The following OSMR variants were observed in gnomAD, a reference collection of about 807,000 sequenced individuals.
OSMR encodes oncostatin-M-specific receptor subunit beta.
OSMR carries 81 observed loss-of-function variants against 99.9 expected under a neutral mutation model. The observed-to-expected ratio is 0.81, with a 90% CI of 0.68 to 0.97. The LOEUF is 0.97. Among genes scored for constraint, OSMR ranks in the 50% least tolerant of loss-of-function variants. The probability of loss-of-function intolerance (pLI) is 0.00; values close to 1 mark genes in which losing one functional copy is unlikely to be tolerated. For missense variants in OSMR, 1,099 were observed against 1,153.4 expected (o/e 0.95, Z 0.68); for synonymous variants, 406 against 410.4 (o/e 0.99, Z 0.13).
chr5:38,904,214 T>TC (rs1344521629), intron 8 of OSMR, 139 bp from the exon 9 acceptor site: 3 of 1,526,192 alleles, frequency 2.0e-6, no homozygotes, highest in Non-Finnish European at 2.6e-6. Context: ...AAGATTTTTT[T>TC]CCCCCCAAAG....
intron 2 of OSMR, among the ~76,000 whole-genome samples, chr5:38,875,118 T>C (rs937197796): frequency 3.0e-4 from 45 of 152,246 alleles, no homozygotes; most frequent in African/African-American, 9.9e-4. Flanking sequence ...GAAAACTGAA[T>C]GCTTAAAAGA....
At chr5:38,900,446 G>A (rs1257003740) in intron 7 of OSMR, among the ~76,000 whole-genome samples, 1 of 152,048 alleles carries the variant, frequency 6.6e-6, no homozygotes, top group Non-Finnish European at 1.5e-5. Context: ...TTGTTAATCT[G>A]GTGATCCTGC....
At chr5:38,924,398 T>C in intron 13 of OSMR, 24 bp from the exon 14 acceptor site, 1 of 1,614,004 alleles carries the variant, frequency 6.2e-7, no homozygotes, top group South Asian at 1.1e-5. Flanking sequence ...ATGACTTTTC[T>C]CTTATCCCAA....
At chr5:38,865,679 C>A (rs541399818) in intron 1 of OSMR, among the ~76,000 whole-genome samples, 1 of 152,324 alleles carries the variant, frequency 6.6e-6, no homozygotes, top group African/African-American at 2.4e-5. Context: ...CACATGCCCA[C>A]CTGATGTACA....
At chr5:38,884,748 G>A (rs1393110) in intron 5 of OSMR, among the ~76,000 whole-genome samples, 20,516 of 152,036 alleles carry the variant, frequency 0.13, 1,954 homozygotes, top group African/African-American at 0.26. Context: ...TTTTATATAG[G>A]TTTGTGTGTG....
intron 1 of OSMR, among the ~76,000 whole-genome samples, chr5:38,859,953 C>T (rs552218180): frequency 6.6e-6 from 1 of 152,252 alleles, no homozygotes; most frequent in East Asian, 1.9e-4. Flanking sequence ...TTACTGAATT[C>T]ATTTATCAGT....
At chr5:38,881,807 T>G in intron 4 of OSMR, 43 bp downstream of exon 4, 3 of 1,512,692 alleles carry the variant, frequency 2.0e-6, no homozygotes, top group Non-Finnish European at 2.8e-6. Flanking sequence ...GGTTAATATA[T>G]TTTTTAATGA....
chr5:38,893,806 A>G (rs1247126749), intron 7 of OSMR, among the ~76,000 whole-genome samples: 2 of 152,206 alleles, frequency 1.3e-5, no homozygotes, highest in Non-Finnish European at 2.9e-5. Flanking sequence ...GTAGACACCC[A>G]GATACAAGAA....
intron 1 of OSMR, among the ~76,000 whole-genome samples, chr5:38,943,512 T>TA (rs906456664): frequency 3.3e-5 from 5 of 151,366 alleles, no homozygotes; most frequent in African/African-American, 4.9e-5. Flanking sequence ...ATATCACCCT[T>TA]AAAAAAAAGC....
At chr5:38,862,757 G>A (rs1332136348) in intron 1 of OSMR, among the ~76,000 whole-genome samples, 3 of 151,186 alleles carry the variant, frequency 2.0e-5, no homozygotes, top group African/African-American at 4.9e-5. Flanking sequence ...CTTCCCAGAC[G>A]GGGTGGCGGC....
Position 38,856,068 on chromosome 5 carries a change from C to T in OSMR, c.-14+9681C>T, listed in dbSNP as rs62354704. Among the ~76,000 whole-genome samples, 1,064 of 152,206 alleles carry T rather than the reference C, an allele frequency of 7.0e-3. 4 individuals carry two copies. Among genetic ancestry groups the T allele is most frequent in the Middle Eastern group, 0.054 (16 of 294 alleles). ...TTTTCTCCCTCACCTCTGGGCTTTTCGTTGTGTTAGTCAGGGTCCCATCCA... is the reference window on the plus strand; with the variant it reads ...TTTTCTCCCTCACCTCTGGGCTTTTTGTTGTGTTAGTCAGGGTCCCATCCA... On this transcript the variant is annotated intron_variant, in intron 1 of 17. Coordinates refer to ENST00000274276, the MANE Select transcript of OSMR (RefSeq NM_003999.3).
intron 9 of OSMR, among the ~76,000 whole-genome samples, chr5:38,906,788 T>C (rs946968337): frequency 1.3e-5 from 2 of 152,188 alleles, no homozygotes; most frequent in Non-Finnish European, 2.9e-5. Flanking sequence ...AGAGATACAT[T>C]TTAATGTTAT....
At chr5:38,938,434 G>A (rs530869922), downstream of OSMR, 77 of 231,346 alleles carry the variant, frequency 3.3e-4, no homozygotes, top group South Asian at 9.1e-4. Flanking sequence ...TTTGCATTTT[G>A]TGCTAAATCA....
rs191931719 is a variant in OSMR, at chr5:38,944,395, G to T, written c.*86+76G>T. 4 of 1,554,498 alleles carry T rather than the reference G, an allele frequency of 2.6e-6. No homozygotes were observed. The South Asian group carries it at 3.5e-5, about 14-fold the overall frequency. ...TGAAGTATTTCAAGTATCTTTTCTCGACTTAAAAAACAGAATAAACAAATA... is the reference window on the plus strand; with the variant it reads ...TGAAGTATTTCAAGTATCTTTTCTCTACTTAAAAAACAGAATAAACAAATA... On this transcript the variant is annotated intron_variant and NMD_transcript_variant, in intron 2 of 2. Coordinates refer to the OSMR transcript ENST00000508882.
chr5:38,943,370 A>G (rs1747813687), intron 1 of OSMR: 1 of 162,282 alleles, frequency 6.2e-6, no homozygotes, highest in Admixed American at 6.0e-5. Flanking sequence ...TTCAAATAGC[A>G]GCTTTTAGCT....
rs150552131 is a variant in OSMR at position 38,883,326 on chromosome 5, T to C, written c.419-501T>C. ...GCATTTCTGAGAAGGTAGGGAGAGA[T>C]ATGATCTCCAGTACAATGAAGAGAT... On this transcript the variant is annotated intron_variant, in intron 4 of 17. Coordinates refer to ENST00000274276, the MANE Select transcript of OSMR (RefSeq NM_003999.3). 2.7e-4 allele frequency among the ~76,000 whole-genome samples: 41 copies of C among 152,368 alleles called. No individual in the cohort carries two copies. The East Asian group carries it at 7.3e-3, about 27-fold the overall frequency.
At chr5:38,891,616 G>A (rs1345922502) in intron 7 of OSMR, among the ~76,000 whole-genome samples, 1 of 152,188 alleles carries the variant, frequency 6.6e-6, no homozygotes, top group African/African-American at 2.4e-5. Context: ...ATGGACCTTT[G>A]TAATCCTGGG....
At chr5:38,856,222 A>G (rs2047846120) in intron 1 of OSMR, among the ~76,000 whole-genome samples, 1 of 152,142 alleles carries the variant, frequency 6.6e-6, no homozygotes, top group Non-Finnish European at 1.5e-5. Flanking sequence ...GTTTTTTCAT[A>G]CTGCATCAGC....
At chr5:38,901,843 A>G (rs1021477709) in intron 7 of OSMR, among the ~76,000 whole-genome samples, 2 of 152,168 alleles carry the variant, frequency 1.3e-5, no homozygotes, top group African/African-American at 4.8e-5. Context: ...TTGCTGGTCA[A>G]TTTGACTAAG....
Sources: gnomAD v4.1 joint callset for allele counts (sites outside exome capture counted in the v4.1 genomes callset) on GRCh38, gnomAD v4.1.1 for gene constraint, MANE v1.5 for transcripts, NCBI Gene and HGNC (gene_info 2026-07-23, HGNC 2026-07-21) for gene names.